LRRC28: variants seen among roughly 807,000 people sequenced by gnomAD.
LRRC28 encodes the protein leucine-rich repeat-containing protein 28.
In LRRC28, 39 loss-of-function variants were observed where a neutral mutation model predicts 45.7. The observed-to-expected ratio is 0.85, with a 90% CI of 0.66 to 1.12. The LOEUF is 1.12. Among genes scored for constraint, LRRC28 ranks in the 50% most tolerant of loss-of-function variants. The pLI is 0.00. For missense variants in LRRC28, 435 were observed against 438.5 expected, an observed-to-expected ratio of 0.99 and a Z score of 0.07; for synonymous variants, 206 against 178.8, an observed-to-expected ratio of 1.15 and a Z score of -1.22.
chr15:99,327,489 TTG>T (rs1956023918), intron 5 of LRRC28, among the ~76,000 whole-genome samples: 1 of 152,250 alleles, frequency 6.6e-6, no homozygotes, highest in Non-Finnish European at 1.5e-5. Flanking sequence ...TGAAATAAAT[TTG>T]TTCATATTAT....
chr15:99,281,083 A>AC (rs2152189633), intron 3 of LRRC28, among the ~76,000 whole-genome samples: 1 of 151,408 alleles, frequency 6.6e-6, no homozygotes, highest in African/African-American at 2.4e-5. Flanking sequence ...GCTGGAGTGC[A>AC]GTGGCTCTAT....
chr15:99,287,118 TA>T, intron 3 of LRRC28, 138 bp from the exon 4 acceptor site: 1 of 600,914 alleles, frequency 1.7e-6, no homozygotes, highest in East Asian at 3.3e-5. Context: ...ACCATTATTG[TA>T]TGTTGATGCA....
intron 9 of LRRC28, among the ~76,000 whole-genome samples, chr15:99,379,269 G>A (rs970068692): frequency 1.3e-5 from 2 of 152,018 alleles, no homozygotes; most frequent in Non-Finnish European, 2.9e-5. Flanking sequence ...GTCTTGGGAG[G>A]GTGTATGTGT....
intron 9 of LRRC28, chr15:99,384,382 G>C (rs1957920170): frequency 6.6e-6 from 1 of 152,180 alleles, no homozygotes; most frequent in Non-Finnish European, 1.5e-5. Context: ...TTTCTCAACA[G>C]CACCTTTTAC....
chr15:99,262,491 A>G (rs994142214), intron 2 of LRRC28, among the ~76,000 whole-genome samples: 2 of 152,190 alleles, frequency 1.3e-5, no homozygotes, highest in Non-Finnish European at 2.9e-5. Context: ...CTGAGGCAGG[A>G]GAATCACTTG....
chr15:99,261,648 CTTAATTTTAATT>C (rs924802449), intron 2 of LRRC28, among the ~76,000 whole-genome samples: 1 of 151,542 alleles, frequency 6.6e-6, no homozygotes, highest in African/African-American at 2.4e-5. Flanking sequence ...TAATTTTAAT[CTTAATTTTAATT>C]TTAATTTTTT....
At chr15:99,353,778 G>A (rs1956961374) in intron 7 of LRRC28, 2 of 152,180 alleles carry the variant, frequency 1.3e-5, no homozygotes, top group African/African-American at 4.8e-5. Flanking sequence ...AATGCGATCT[G>A]CATCTCTGCC....
intron 8 of LRRC28, 26 bp from the exon 9 acceptor site, chr15:99,363,080 G>T: frequency 6.3e-7 from 1 of 1,588,176 alleles, no homozygotes. Flanking sequence ...TTTTACTCGT[G>T]TGCGTGATTT....
intron 2 of LRRC28, chr15:99,258,020 G>A: frequency 1.8e-6 from 2 of 1,081,526 alleles, no homozygotes; most frequent in Non-Finnish European, 2.9e-6. Context: ...GGAACTAACA[G>A]TCAAAATTAA....
intron 5 of LRRC28, among the ~76,000 whole-genome samples, chr15:99,296,276 G>C (rs976604324): frequency 1.3e-5 from 2 of 152,228 alleles, no homozygotes; most frequent in Admixed American, 1.3e-4. Context: ...CACTGGGTCA[G>C]CCCTGGTTTC....
chr15:99,387,106 G>GTCGGA lies in LRRC28; in HGVS notation c.*1004_*1005insTCGGA, dbSNP rs1555585050. ...GACGGAGTCTCGCTCTGTCGCCCAG[G>GTCGGA]CTGGAGTGCAGTGGCGGGATCTCGG... is the stretch of plus-strand genomic sequence containing the variant. On this transcript the variant is annotated 3_prime_UTR_variant, in exon 10 of 10. Coordinates refer to ENST00000301981, the MANE Select transcript of LRRC28 (RefSeq NM_144598.5). 2 of 151,742 alleles carry GTCGGA rather than the reference G, an allele frequency of 1.3e-5. No homozygotes were observed. Among genetic ancestry groups the GTCGGA allele is most frequent in the South Asian group, 2.1e-4 (1 of 4,766 alleles). The allele number at this position is 151,742 out of a possible 1,614,324, so 9.4% of individuals were successfully genotyped here.
chr15:99,295,255 A>G (rs1251203920), intron 5 of LRRC28, among the ~76,000 whole-genome samples: 2 of 152,102 alleles, frequency 1.3e-5, no homozygotes, highest in African/African-American at 4.8e-5. Context: ...TTAAGCATGT[A>G]CCACTTAAAC....
chr15:99,259,428 A>G, intron 2 of LRRC28: 1 of 1,380,142 alleles, frequency 7.2e-7, no homozygotes. Flanking sequence ...GAGAAAACTA[A>G]GGAGAGTCAT....
intron 6 of LRRC28, among the ~76,000 whole-genome samples, chr15:99,344,517 C>T (rs151240776): frequency 2.6e-5 from 4 of 152,150 alleles, no homozygotes; most frequent in Non-Finnish European, 4.4e-5. Context: ...TTTCTTTCAG[C>T]TTTAACATAA....
chr15:99,347,206 CTT>C (rs36089095), intron 6 of LRRC28, among the ~76,000 whole-genome samples: 2 of 144,062 alleles, frequency 1.4e-5, no homozygotes, highest in Admixed American at 6.9e-5. Context: ...CGTGAGCTCC[CTT>C]TTTTTTTTTT....
At chr15:99,260,066 A>T (rs2081151356) in intron 2 of LRRC28, 1 of 530,516 alleles carries the variant, frequency 1.9e-6, no homozygotes, top group African/African-American at 1.9e-5. Context: ...GGAATGTGAA[A>T]TGTAAGTCAT....
At chr15:99,362,413 C>G (rs530271138) in intron 8 of LRRC28, among the ~76,000 whole-genome samples, 1 of 152,134 alleles carries the variant, frequency 6.6e-6, no homozygotes, top group Non-Finnish European at 1.5e-5. Context: ...TAGATTTCAC[C>G]TCAGCATGAC....
At chr15:99,278,279 A>G (rs1396501033) in intron 3 of LRRC28, among the ~76,000 whole-genome samples, 1 of 151,802 alleles carries the variant, frequency 6.6e-6, no homozygotes, top group Non-Finnish European at 1.5e-5. Context: ...ACCGAATTTC[A>G]CTCTTGTCAC....
At chr15:99,340,674 A>G (rs1956476349) in intron 6 of LRRC28, among the ~76,000 whole-genome samples, 5 of 152,334 alleles carry the variant, frequency 3.3e-5, no homozygotes, top group African/African-American at 9.6e-5. Context: ...TCAGTAAAGA[A>G]CTTCATTCTA....
Sources: gnomAD v4.1 joint callset for allele counts (sites outside exome capture counted in the v4.1 genomes callset) on GRCh38, gnomAD v4.1.1 for gene constraint, MANE v1.5 for transcripts, NCBI Gene and HGNC (gene_info 2026-07-23, HGNC 2026-07-21) for gene names.